The following SVIL variants were observed in gnomAD, a reference collection of about 807,000 sequenced individuals.
The protein encoded by SVIL is supervillin.
Under a neutral mutation model 240.4 loss-of-function variants are expected in SVIL, and 101 were observed. The observed-to-expected ratio is 0.42, with a 90% CI of 0.36 to 0.50. SVIL has a LOEUF of 0.50. SVIL is among the 20% of genes least tolerant of loss of function. The pLI, the probability that SVIL is intolerant of heterozygous loss-of-function variation, is 0.01. For synonymous variants in SVIL, 999 were observed against 1,100.0 expected, an observed-to-expected ratio of 0.91 and a Z score of 1.82; for missense variants, 2,512 against 2,818.7, an observed-to-expected ratio of 0.89 and a Z score of 2.46.
chr10:29,646,111 TA>T (rs1564732547), intron 3 of SVIL, among the ~76,000 whole-genome samples: 1 of 152,192 alleles, frequency 6.6e-6, no homozygotes, highest in African/African-American at 2.4e-5. Flanking sequence ...AAGTGCTCGA[TA>T]AATATTTCTT....
At position 29,533,032 on chromosome 10, in the gene SVIL, G is replaced by A; in HGVS notation, c.1335C>T (p.Phe445=). The part of the protein sequence containing the change: ...EGEEKEEDVC[F]TEALEQSKKT... ...TCTTGCTTTGCTCGAGAGCTTCAGT[G>A]AAGCACACATCTTCTTCTTTTTCTT... Residue 445 remains phenylalanine, a synonymous_variant, in exon 8 of 38, where the codon TTC becomes TTT. Transcript: ENST00000355867. 1 of 1,614,070 alleles carries A rather than the reference G, an allele frequency of 6.2e-7. No individual in the cohort carries two copies. The highest frequency in any genetic ancestry group is 1.7e-4 in the Middle Eastern group (1 of 6,052).
At chr10:29,733,327 T>TGTTTAGTTTTTTTACAGACAGCTGTCTA (rs1189447191) in intron 1 of SVIL, among the ~76,000 whole-genome samples, 3 of 152,288 alleles carry the variant, frequency 2.0e-5, no homozygotes, top group Admixed American at 6.5e-5. Context: ...TAGCTTGTTT[T>TGTTTAGTTTTTTTACAGACAGCTGTCTA]GTTTAGTTTT....
chr10:29,657,389 T>C (rs1959037572), intron 3 of SVIL, among the ~76,000 whole-genome samples: 1 of 152,208 alleles, frequency 6.6e-6, no homozygotes, highest in African/African-American at 2.4e-5. Context: ...CTCATTAGTT[T>C]TGAAGAAGGT....
Position 29,470,483 on chromosome 10 carries a change from C to A in SVIL, c.5636G>T (p.Ser1879Ile), listed in dbSNP as rs147385504. 1 of 1,614,100 alleles carries A rather than the reference C, an allele frequency of 6.2e-7. No homozygotes were observed. The highest frequency in any genetic ancestry group is 1.3e-5 in the African/African-American group (1 of 75,064). Residue 1879 changes from serine to isoleucine, a missense_variant and splice_region_variant, in exon 32 of 38, where the codon AGT (serine) becomes ATT (isoleucine). Ser to Ile is a moderately radical substitution (Grantham distance 142). Transcript: ENST00000355867. ...RREEEEENVQ[S>I]EWRLYCVRGE... ...ACGCACGCAGTACAGCCGCCACTCA[C>A]CTGCAGGGGGCACCGGCGGCGCGGA...
intron 10 of SVIL, 104 bp downstream of exon 10, chr10:29,531,150 G>A: frequency 1.8e-6 from 2 of 1,113,386 alleles, no homozygotes; most frequent in African/African-American, 1.6e-5. Flanking sequence ...GGGAGACACT[G>A]TTATGCTCCA....
chr10:29,637,792 A>G (rs924730746), upstream of SVIL, among the ~76,000 whole-genome samples: 6 of 152,234 alleles, frequency 3.9e-5, no homozygotes, highest in African/African-American at 1.4e-4. Flanking sequence ...GGAACAAATT[A>G]TTAGTACGTT....
intron 1 of SVIL, among the ~76,000 whole-genome samples, chr10:29,612,635 T>G (rs1003274009): frequency 6.6e-6 from 1 of 152,194 alleles, no homozygotes; most frequent in Non-Finnish European, 1.5e-5. Flanking sequence ...GAAGAGGACA[T>G]CATGAGTTCT....
intron 1 of SVIL, among the ~76,000 whole-genome samples, chr10:29,706,677 A>G (rs1194723865): frequency 6.6e-6 from 1 of 151,844 alleles, no homozygotes; most frequent in Non-Finnish European, 1.5e-5. Flanking sequence ...TTCTGTTGCA[A>G]TTGCTTTTGG....
At chr10:29,602,309 G>T (rs767835827) in intron 1 of SVIL, 2 of 533,712 alleles carry the variant, frequency 3.7e-6, no homozygotes, top group East Asian at 1.1e-4. Context: ...TCATGAAGGT[G>T]CACTGGGTTC....
Position 29,471,248 on chromosome 10 carries a change from C to T in SVIL, c.5530-5G>A, listed in dbSNP as rs771636036. 1.6e-5 allele frequency: 26 copies of T among 1,605,924 alleles called. No homozygotes were observed. The highest frequency in any genetic ancestry group is 4.4e-5 in the South Asian group (4 of 90,624). On this transcript the variant is annotated splice_region_variant and splice_polypyrimidine_tract_variant and intron_variant, in intron 30 of 37. Coordinates refer to ENST00000355867, the MANE Select transcript of SVIL (RefSeq NM_021738.3). ...CTTTCCCTGGAGAACCTGGACCTTC[C>T]GATTTAAACAGAGGTAAATAGGTAA... is the stretch of plus-strand genomic sequence containing the variant.
chr10:29,679,352 G>A (rs923814416), intron 2 of SVIL, among the ~76,000 whole-genome samples: 5 of 152,220 alleles, frequency 3.3e-5, no homozygotes, highest in African/African-American at 1.2e-4. Context: ...AAGAGAAGGT[G>A]CAGGTAATGA....
At chr10:29,499,714 C>T (rs1948729551) in intron 17 of SVIL, among the ~76,000 whole-genome samples, 1 of 152,200 alleles carries the variant, frequency 6.6e-6, no homozygotes, top group African/African-American at 2.4e-5. Context: ...ACACAAGGAA[C>T]TTGCCCAGTT....
intron 3 of SVIL, among the ~76,000 whole-genome samples, chr10:29,651,884 T>A (rs1187080740): frequency 6.6e-6 from 1 of 152,096 alleles, no homozygotes; most frequent in Non-Finnish European, 1.5e-5. Context: ...CAGTCTTTCA[T>A]CTCCTTCTGA....
intron 6 of SVIL, among the ~76,000 whole-genome samples, chr10:29,540,571 A>G (rs747111823): frequency 2.0e-5 from 3 of 152,212 alleles, no homozygotes; most frequent in Non-Finnish European, 4.4e-5. Flanking sequence ...AGGACCCCCC[A>G]GCATGCACCT....
At chr10:29,665,487 T>G (rs1959221229) in intron 2 of SVIL, among the ~76,000 whole-genome samples, 1 of 152,098 alleles carries the variant, frequency 6.6e-6, no homozygotes, top group Non-Finnish European at 1.5e-5. Context: ...GGTGGACAAC[T>G]AATACCAGAC....
chr10:29,695,787 C>T (rs898023060), intron 1 of SVIL, among the ~76,000 whole-genome samples: 1 of 149,306 alleles, frequency 6.7e-6, no homozygotes, highest in Non-Finnish European at 1.5e-5. Context: ...AAACAGCTCC[C>T]GTCTCCCTCT....
intron 26 of SVIL, among the ~76,000 whole-genome samples, chr10:29,485,266 C>T (rs922293080): frequency 2.8e-4 from 43 of 151,764 alleles, no homozygotes; most frequent in Non-Finnish European, 4.4e-5. Flanking sequence ...CTCCAGTACA[C>T]AATTCCAAGA....
At chr10:29,577,697 C>G (rs1468283028) in intron 1 of SVIL, among the ~76,000 whole-genome samples, 3 of 152,100 alleles carry the variant, frequency 2.0e-5, no homozygotes, top group Non-Finnish European at 2.9e-5. Context: ...TGGGTAGATA[C>G]CCAGTAGTGG....
At position 29,550,811 on chromosome 10, in the gene SVIL, G is replaced by C; in HGVS notation, c.613C>G (p.Gln205Glu). Reference protein sequence around the residue: ...DPEVLLNIENQRRGQELSATR... With the variant: ...DPEVLLNIENERRGQELSATR... Reference sequence around the variant, plus strand: ...GCACTCAGCTCTTGACCTCGTCTTTGGTTTTCTATGTTCAGCAGCACCTCC... The same window carrying C: ...GCACTCAGCTCTTGACCTCGTCTTTCGTTTTCTATGTTCAGCAGCACCTCC... Residue 205 changes from glutamine to glutamate, a missense_variant, in exon 6 of 38, where the codon CAA becomes GAA. Gln to Glu is a conservative substitution (Grantham distance 29). Transcript: ENST00000355867. 6.2e-7 allele frequency: 1 copy of C among 1,614,128 alleles called. No individual in the cohort carries two copies. The highest frequency in any genetic ancestry group is 8.5e-7 in the Non-Finnish European group (1 of 1,180,028).
Sources: allele counts gnomAD v4.1 joint callset (sites outside exome capture counted in the v4.1 genomes callset), GRCh38; gene constraint gnomAD v4.1.1; transcripts MANE v1.5; gene names NCBI Gene and HGNC (gene_info 2026-07-23, HGNC 2026-07-21).